The following MTA3 variants were observed in gnomAD, a reference collection of about 807,000 sequenced individuals.
MTA3 encodes metastasis-associated protein MTA3.
MTA3 carries 34 observed loss-of-function variants against 83.5 expected under a neutral mutation model. The observed-to-expected ratio is 0.41, with a 90% CI of 0.31 to 0.54. MTA3 has a LOEUF of 0.54. Among genes scored for constraint, MTA3 ranks in the 20% least tolerant of loss-of-function variants. The pLI, the probability that MTA3 is intolerant of heterozygous loss-of-function variation, is 0.33. For synonymous variants in MTA3, 303 were observed against 252.7 expected, an observed-to-expected ratio of 1.20 and a Z score of -1.89; for missense variants, 761 against 726.4, an observed-to-expected ratio of 1.05 and a Z score of -0.55.
chr2:42,656,416 T>G (rs1434359985), intron 7 of MTA3, 114 bp downstream of exon 7: 2 of 561,502 alleles, frequency 3.6e-6, no homozygotes, highest in Non-Finnish European at 5.8e-6. Flanking sequence ...ATTGTATTAT[T>G]TTTTTAGTTA....
At chr2:42,567,914 C>T (rs549010194), upstream of MTA3, 4 of 152,396 alleles carry the variant, frequency 2.6e-5, no homozygotes, top group African/African-American at 7.2e-5. Context: ...ATACAGTGCC[C>T]GTCTAGAGCC....
intron 6 of MTA3, among the ~76,000 whole-genome samples, chr2:42,645,526 AAAACAAACAAAC>A (rs141409989): frequency 2.9e-4 from 44 of 150,406 alleles, no homozygotes; most frequent in Admixed American, 4.0e-4. Flanking sequence ...CTTTGTCTAA[AAAACAAACAAAC>A]AAACAAACAA....
chr2:42,618,207 C>T (rs1210325932), intron 4 of MTA3, among the ~76,000 whole-genome samples: 2 of 152,088 alleles, frequency 1.3e-5, no homozygotes, highest in Non-Finnish European at 2.9e-5. Flanking sequence ...CCTGGCCTCC[C>T]ACCGTGAGTG....
chr2:42,659,696 A>G (rs755486303), intron 7 of MTA3, 67 bp from the exon 8 acceptor site: 1 of 1,243,512 alleles, frequency 8.0e-7, no homozygotes, highest in Non-Finnish European at 1.1e-6. Context: ...TGTGTTTTTT[A>G]AAACGTTAAA....
chr2:42,620,342 C>T (rs906944822), intron 4 of MTA3, among the ~76,000 whole-genome samples: 5 of 152,128 alleles, frequency 3.3e-5, no homozygotes, highest in African/African-American at 4.8e-5. Context: ...TGATATCAAA[C>T]TCCTGGCCTC....
chr2:42,625,325 C>G (rs1685968673), intron 4 of MTA3, among the ~76,000 whole-genome samples: 1 of 151,664 alleles, frequency 6.6e-6, no homozygotes, highest in Admixed American at 6.6e-5. Flanking sequence ...AGCCACCGTG[C>G]CTGGCCGTTT....
Position 42,755,141 on chromosome 2 carries a change from C to A in MTA3, c.*1742C>A. On this transcript the variant is annotated 3_prime_UTR_variant, in exon 17 of 17. Transcript: ENST00000405094. ...AGACCTGGGAGGAGGTGCCGCATCA[C>A]GTGGATGTTTCTTCCCTAAAGAAAA... 1 of 985,462 alleles carries A rather than the reference C, an allele frequency of 1.0e-6. No individual in the cohort carries two copies. The highest frequency in any genetic ancestry group is 4.7e-5 in the South Asian group (1 of 21,288). 61.0% of individuals were successfully genotyped at this position (985,462 alleles called of 1,614,324 possible). A position where few individuals can be genotyped will look rare whatever the true frequency, so the allele number is the denominator to read the frequency against.
At chr2:42,508,083 T>G (rs1674720281) in intron 2 of MTA3, among the ~76,000 whole-genome samples, 1 of 152,190 alleles carries the variant, frequency 6.6e-6, no homozygotes, top group African/African-American at 2.4e-5. Flanking sequence ...TGGGCCAGGC[T>G]GGGCACCTGC....
At chr2:42,561,860 C>T (rs1330941793) in intron 2 of MTA3, among the ~76,000 whole-genome samples, 1 of 152,110 alleles carries the variant, frequency 6.6e-6, no homozygotes, top group African/African-American at 2.4e-5. Flanking sequence ...TCTATGTTTA[C>T]TTAAAATTGA....
intron 16 of MTA3, among the ~76,000 whole-genome samples, chr2:42,738,330 C>A (rs1468912997): frequency 6.6e-6 from 1 of 152,116 alleles, no homozygotes; most frequent in African/African-American, 2.4e-5. Flanking sequence ...ATTTTATGGG[C>A]ATTTATTAGT....
chr2:42,623,004 A>G (rs1337767301), intron 4 of MTA3, among the ~76,000 whole-genome samples: 9 of 152,248 alleles, frequency 5.9e-5, no homozygotes, highest in Admixed American at 5.2e-4. Flanking sequence ...CACAAGTATA[A>G]TACAACTTTG....
intron 5 of MTA3, 58 bp from the exon 6 acceptor site, chr2:42,644,069 T>C: frequency 1.9e-6 from 2 of 1,045,372 alleles, no homozygotes; most frequent in Non-Finnish European, 1.4e-6. Context: ...TTGATTTTAA[T>C]GCTTTATAAG....
chr2:42,693,030 G>A (rs1366421127), intron 9 of MTA3, among the ~76,000 whole-genome samples: 2 of 152,126 alleles, frequency 1.3e-5, no homozygotes, highest in Non-Finnish European at 2.9e-5. Flanking sequence ...GGAATTCTCT[G>A]GATTACCAGA....
chr2:42,505,268 T>C (rs1454007468), intron 2 of MTA3, among the ~76,000 whole-genome samples: 3 of 152,118 alleles, frequency 2.0e-5, no homozygotes, highest in African/African-American at 7.2e-5. Flanking sequence ...GGCATGCACC[T>C]GTAGTCCCAG....
At chr2:42,540,968 T>G (rs1676493056) in intron 2 of MTA3, among the ~76,000 whole-genome samples, 1 of 152,222 alleles carries the variant, frequency 6.6e-6, no homozygotes, top group African/African-American at 2.4e-5. Flanking sequence ...TGGTTCAACT[T>G]AAGATTTTTC....
chr2:42,494,130 G>A, upstream of MTA3: 1 of 153,150 alleles, frequency 6.5e-6, no homozygotes, highest in Non-Finnish European at 1.5e-5. Flanking sequence ...GCACCTCCCC[G>A]GCTTGCTCGG....
At chr2:42,628,921 T>TA (rs1439287348) in intron 4 of MTA3, among the ~76,000 whole-genome samples, 1 of 152,148 alleles carries the variant, frequency 6.6e-6, no homozygotes, top group Non-Finnish European at 1.5e-5. Flanking sequence ...AAACAAAAAA[T>TA]ATTTCAAATA....
At chr2:42,641,531 T>C (rs1687690312) in intron 5 of MTA3, among the ~76,000 whole-genome samples, 2 of 152,112 alleles carry the variant, frequency 1.3e-5, no homozygotes, top group South Asian at 4.1e-4. Flanking sequence ...GGCAAAACAT[T>C]CCATGCATTT....
chr2:42,728,579 G>A (rs576460919), intron 16 of MTA3, among the ~76,000 whole-genome samples: 7 of 152,262 alleles, frequency 4.6e-5, no homozygotes, highest in East Asian at 1.9e-4. Flanking sequence ...CACCAACAGT[G>A]TATGAGGGTT....
Sources: gnomAD v4.1 joint callset for allele counts (sites outside exome capture counted in the v4.1 genomes callset) on GRCh38, gnomAD v4.1.1 for gene constraint, MANE v1.5 for transcripts, NCBI Gene and HGNC (gene_info 2026-07-23, HGNC 2026-07-21) for gene names.